Variants in FHIT observed in about 807,000 individuals in gnomAD.
FHIT encodes fragile histidine triad diadenosine triphosphatase.
Under a neutral mutation model 17.9 loss-of-function variants are expected in FHIT, and 19 were observed. The ratio of observed to expected loss-of-function variants is 1.06; its 90% confidence interval spans 0.74 to 1.56. The LOEUF is 1.56. Among genes scored for constraint, FHIT ranks in the 40% most tolerant of loss-of-function variants. The pLI, the probability that FHIT is intolerant of heterozygous loss-of-function variation, is 0.00. For missense variants in FHIT, 248 were observed against 189.2 expected, an observed-to-expected ratio of 1.31 and a Z score of -1.82; for synonymous variants, 81 against 69.7, an observed-to-expected ratio of 1.16 and a Z score of -0.81.
At chr3:60,205,110 T>A (rs1477731687) in intron 5 of FHIT, among the ~76,000 whole-genome samples, 3 of 149,500 alleles carry the variant, frequency 2.0e-5, no homozygotes, top group African/African-American at 7.4e-5. Context: ...AAAAAAAAAA[T>A]TATATGAGCT....
intron 5 of FHIT, among the ~76,000 whole-genome samples, chr3:60,204,746 C>G (rs555121855): frequency 2.0e-5 from 3 of 152,196 alleles, no homozygotes; most frequent in South Asian, 2.1e-4. Flanking sequence ...AATACCTGCT[C>G]TGGATTTAGA....
At chr3:60,102,026 G>A (rs1483899704) in intron 5 of FHIT, among the ~76,000 whole-genome samples, 1 of 152,170 alleles carries the variant, frequency 6.6e-6, no homozygotes, top group African/African-American at 2.4e-5. Flanking sequence ...ATGCACCAAG[G>A]CAAAGTTAAA....
chr3:60,384,836 TAAAAAAAAAA>T (rs5849358), intron 5 of FHIT, among the ~76,000 whole-genome samples: 16,393 of 135,526 alleles, frequency 0.12, 1,414 homozygotes, highest in Admixed American at 0.27. Flanking sequence ...TTCACATTAG[TAAAAAAAAAA>T]AAAAAAAAAT....
At chr3:60,013,771 A>G (rs1416410094) in intron 6 of FHIT, among the ~76,000 whole-genome samples, 1 of 152,068 alleles carries the variant, frequency 6.6e-6, no homozygotes, top group African/African-American at 2.4e-5. Context: ...TCACTTATCC[A>G]TTACTCCCAC....
intron 5 of FHIT, among the ~76,000 whole-genome samples, chr3:60,257,750 T>C (rs545618428): frequency 1.6e-4 from 24 of 152,272 alleles, no homozygotes; most frequent in Non-Finnish European, 2.8e-4. Flanking sequence ...TGCAGTGACA[T>C]GGATGAAACT....
At chr3:60,217,277 TAAG>T (rs1459688733) in intron 5 of FHIT, among the ~76,000 whole-genome samples, 1 of 152,150 alleles carries the variant, frequency 6.6e-6, no homozygotes, top group African/African-American at 2.4e-5. Flanking sequence ...TTACTAGATT[TAAG>T]AACAAAAACA....
rs139684970 is a variant in FHIT, at chr3:60,560,844, C to CACACACACAG, written c.-17-23866_-17-23865insCTGTGTGTGT. ...ACACACACACACACACACACACACA[C>CACACACACAG]AGAGAGAGAGAGAGTGTGTGTGTGT... On this transcript the variant is annotated intron_variant, in intron 4 of 9. Coordinates refer to ENST00000492590, the MANE Select transcript of FHIT (RefSeq NM_002012.4). 2.6e-4 allele frequency among the ~76,000 whole-genome samples: 32 copies of CACACACACAG among 122,260 alleles called. 1 individual carries two copies. The highest frequency in any genetic ancestry group is 8.4e-4 in the East Asian group (3 of 3,578). The allele number at this position is 122,260 out of a possible 152,430, so 80.2% of individuals were successfully genotyped here. A position where few individuals can be genotyped will look rare whatever the true frequency, so the allele number is the denominator to read the frequency against.
At chr3:61,169,042 T>C (rs970377381) in intron 2 of FHIT, among the ~76,000 whole-genome samples, 1 of 152,214 alleles carries the variant, frequency 6.6e-6, no homozygotes, top group Non-Finnish European at 1.5e-5. Context: ...AGTCAATACT[T>C]AGGGCGTACA....
intron 4 of FHIT, among the ~76,000 whole-genome samples, chr3:60,797,769 T>G (rs1701035316): frequency 6.6e-6 from 1 of 151,364 alleles, no homozygotes; most frequent in Admixed American, 6.6e-5. Flanking sequence ...TAATAAGATT[T>G]AATTAAAGTG....
At chr3:59,952,382 T>C (rs1374484926) in intron 7 of FHIT, among the ~76,000 whole-genome samples, 1 of 152,104 alleles carries the variant, frequency 6.6e-6, no homozygotes, top group Non-Finnish European at 1.5e-5. Context: ...CCTCGGGACA[T>C]GCAGACATCT....
At chr3:61,151,946 A>G (rs947459675) in intron 2 of FHIT, among the ~76,000 whole-genome samples, 4 of 152,182 alleles carry the variant, frequency 2.6e-5, no homozygotes, top group African/African-American at 9.7e-5. Context: ...TGATTAATTC[A>G]TTATGTCTTC....
chr3:60,035,621 A>G (rs983953795), intron 5 of FHIT, among the ~76,000 whole-genome samples: 1 of 152,208 alleles, frequency 6.6e-6, no homozygotes, highest in Non-Finnish European at 1.5e-5. Flanking sequence ...GGAATCATGC[A>G]ATGAATTAAG....
chr3:61,008,164 C>G (rs960446625), intron 3 of FHIT, among the ~76,000 whole-genome samples: 1 of 152,184 alleles, frequency 6.6e-6, no homozygotes, highest in African/African-American at 2.4e-5. Flanking sequence ...GCAAACATTA[C>G]AGAACAGACA....
intron 5 of FHIT, among the ~76,000 whole-genome samples, chr3:60,111,834 C>A (rs1415622247): frequency 6.6e-6 from 1 of 152,182 alleles, no homozygotes; most frequent in Non-Finnish European, 1.5e-5. Flanking sequence ...ACAGCCAAGG[C>A]CTCCCAGGCA....
chr3:60,116,049 A>G (rs898348629), intron 5 of FHIT, among the ~76,000 whole-genome samples: 4 of 152,196 alleles, frequency 2.6e-5, no homozygotes, highest in African/African-American at 9.6e-5. Flanking sequence ...AAAACATCCA[A>G]TGATGTCATG....
At chr3:60,559,679 C>A (rs1016982788) in intron 4 of FHIT, among the ~76,000 whole-genome samples, 2 of 152,142 alleles carry the variant, frequency 1.3e-5, no homozygotes, top group Admixed American at 6.6e-5. Context: ...CACTAACCCA[C>A]TGAGAAGATG....
In FHIT at chr3:60,860,842, T is replaced by TAC. The variant is rs373141290; in HGVS notation, c.-110-38832_-110-38831insGT. Among the ~76,000 whole-genome samples the TAC allele has an allele frequency of 3.5e-3, 143 of 40,786 alleles. 45 individuals are homozygous for TAC. The highest frequency in any genetic ancestry group is 6.5e-3 in the Non-Finnish European group (108 of 16,658). 26.8% of individuals were successfully genotyped at this position (40,786 alleles called of 152,430 possible). On this transcript the variant is annotated intron_variant, in intron 3 of 9. Transcript: ENST00000492590. ...TATATATGATACATATGTACATATA[T>TAC]CAGGTATATATGAACATATGTACAT...
intron 2 of FHIT, among the ~76,000 whole-genome samples, chr3:61,078,482 A>T (rs973425446): frequency 2.0e-5 from 3 of 152,134 alleles, no homozygotes; most frequent in Admixed American, 6.6e-5. Context: ...GGAAAACATT[A>T]CACAGGCACC....
chr3:60,747,816 AT>A (rs1399860091), intron 4 of FHIT, among the ~76,000 whole-genome samples: 8 of 152,174 alleles, frequency 5.3e-5, no homozygotes, highest in African/African-American at 1.7e-4. Context: ...GAGGTAAGTG[AT>A]TTTTCAAGGT....
Sources: gnomAD v4.1 joint callset for allele counts (sites outside exome capture counted in the v4.1 genomes callset) on GRCh38, gnomAD v4.1.1 for gene constraint, MANE v1.5 for transcripts, NCBI Gene and HGNC (gene_info 2026-07-23, HGNC 2026-07-21) for gene names.